The following CDYL variants were observed in gnomAD, a reference collection of about 807,000 sequenced individuals.
The protein encoded by CDYL is chromodomain Y-like protein.
A neutral mutation model predicts 47.3 loss-of-function variants in CDYL; 8 were observed. The observed-to-expected ratio is 0.17, with a 90% CI of 0.10 to 0.31. The LOEUF (loss-of-function observed/expected upper bound fraction) is 0.31. CDYL is among the 10% of genes least tolerant of loss of function. CDYL has a pLI of 1.00. For missense variants in CDYL, 471 were observed against 701.4 expected (o/e 0.67, Z 3.71); for synonymous variants, 266 against 265.0 (o/e 1.00, Z -0.04).
At chr6:4,799,690 C>T (rs538156540) in intron 1 of CDYL, among the ~76,000 whole-genome samples, 3 of 152,132 alleles carry the variant, frequency 2.0e-5, no homozygotes, top group Non-Finnish European at 4.4e-5. Context: ...CTGCCTTGCT[C>T]GGCTCCCAAA....
At chr6:4,841,872 T>C (rs1194775799) in intron 1 of CDYL, among the ~76,000 whole-genome samples, 1 of 151,208 alleles carries the variant, frequency 6.6e-6, no homozygotes, top group East Asian at 1.9e-4. Context: ...TATTCTGCAG[T>C]TGTTGGATAA....
At chr6:4,792,157 G>T (rs940217512) in intron 1 of CDYL, among the ~76,000 whole-genome samples, 1 of 151,660 alleles carries the variant, frequency 6.6e-6, no homozygotes, top group African/African-American at 2.4e-5. Context: ...CTCCCAAGGT[G>T]CTGGGATTAC....
At chr6:4,731,642 T>C (rs1757606877) in intron 2 of CDYL, among the ~76,000 whole-genome samples, 1 of 151,994 alleles carries the variant, frequency 6.6e-6, no homozygotes, top group Admixed American at 6.6e-5. Flanking sequence ...CTATTAAAAA[T>C]ACAATAATTA....
intron 2 of CDYL, among the ~76,000 whole-genome samples, chr6:4,933,806 G>A (rs979554374): frequency 6.6e-6 from 1 of 152,220 alleles, no homozygotes; most frequent in African/African-American, 2.4e-5. Flanking sequence ...ACAGCACTGG[G>A]ATGACAGAGG....
chr6:4,758,351 A>AATAAATATATATATATAT (rs1554134097), intron 3 of CDYL, among the ~76,000 whole-genome samples: 1,725 of 128,890 alleles, frequency 0.013, 16 homozygotes, highest in Non-Finnish European at 0.02. Context: ...AAAATAAATA[A>AATAAATATATATATATAT]ATATATATAT....
At chr6:4,758,964 T>A (rs1758124899) in intron 3 of CDYL, among the ~76,000 whole-genome samples, 1 of 148,508 alleles carries the variant, frequency 6.7e-6, no homozygotes, top group South Asian at 2.1e-4. Context: ...CCAGTTTTCT[T>A]TTTCTTTTTT....
intron 1 of CDYL, among the ~76,000 whole-genome samples, chr6:4,820,109 T>C (rs769739444): frequency 8.5e-5 from 13 of 152,162 alleles, no homozygotes; most frequent in Non-Finnish European, 1.5e-4. Flanking sequence ...ATTCATCCTA[T>C]GGCCACACAG....
chr6:4,846,183 TAAAA>T (rs75102410), intron 1 of CDYL, among the ~76,000 whole-genome samples: 1 of 135,530 alleles, frequency 7.4e-6, no homozygotes, highest in Non-Finnish European at 1.6e-5. Context: ...ACTGCCTTCT[TAAAA>T]AAAAAAAAAA....
chr6:4,768,005 C>T (rs1758281508), intron 3 of CDYL, among the ~76,000 whole-genome samples: 2 of 152,178 alleles, frequency 1.3e-5, no homozygotes, highest in South Asian at 4.1e-4. Flanking sequence ...GACCCAGGAC[C>T]TGGTCATGAG....
chr6:4,933,082 C>T (rs2127517973), intron 2 of CDYL, among the ~76,000 whole-genome samples: 1 of 152,302 alleles, frequency 6.6e-6, no homozygotes, highest in Middle Eastern at 3.4e-3. Flanking sequence ...TTGAGGAAAC[C>T]AGTTATTATT....
intron 1 of CDYL, among the ~76,000 whole-genome samples, chr6:4,842,096 CAT>C (rs1037019877): frequency 5.2e-5 from 7 of 134,336 alleles, no homozygotes; most frequent in East Asian, 4.1e-4. Context: ...TTATTTATAT[CAT>C]ATATTTATAT....
intron 3 of CDYL, among the ~76,000 whole-genome samples, chr6:4,936,059 T>C (rs1480678192): frequency 6.6e-6 from 1 of 152,222 alleles, no homozygotes; most frequent in Non-Finnish European, 1.5e-5. Context: ...ACCTCCTGCC[T>C]GGAAGCTCTT....
chr6:4,707,971 T>C (rs1009670726), intron 1 of CDYL, among the ~76,000 whole-genome samples: 1 of 152,178 alleles, frequency 6.6e-6, no homozygotes, highest in Admixed American at 6.5e-5. Context: ...AGGACTTTAT[T>C]TTAGCCATCT....
chr6:4,727,278 A>AGTTTGTCC (rs1757531039), intron 2 of CDYL, among the ~76,000 whole-genome samples: 1 of 152,118 alleles, frequency 6.6e-6, no homozygotes, highest in Non-Finnish European at 1.5e-5. Flanking sequence ...AAGTAATGAC[A>AGTTTGTCC]GTTTGTCCAA....
chr6:4,743,472 T>C (rs968750691), intron 3 of CDYL, among the ~76,000 whole-genome samples: 1 of 152,228 alleles, frequency 6.6e-6, no homozygotes, highest in Non-Finnish European at 1.5e-5. Context: ...AGCTGCAAGA[T>C]GCAATCAATA....
At chr6:4,778,600 G>A (rs2127429113) in intron 1 of CDYL, among the ~76,000 whole-genome samples, 1 of 152,270 alleles carries the variant, frequency 6.6e-6, no homozygotes, top group East Asian at 1.9e-4. Flanking sequence ...GTGTCTGTTG[G>A]GGAGGAAGTA....
chr6:4,890,114 A>T, intron 1 of CDYL: 1 of 985,452 alleles, frequency 1.0e-6, no homozygotes. Context: ...TCTGGAGTGG[A>T]CATTGATTTA....
At chr6:4,818,744 T>A (rs1328340359) in intron 1 of CDYL, among the ~76,000 whole-genome samples, 1 of 152,184 alleles carries the variant, frequency 6.6e-6, no homozygotes, top group Non-Finnish European at 1.5e-5. Flanking sequence ...AGATGCTAAA[T>A]GGGTAAGGTG....
chr6:4,716,673 G>T (rs1757270964), intron 2 of CDYL, among the ~76,000 whole-genome samples: 1 of 146,050 alleles, frequency 6.8e-6, no homozygotes, highest in African/African-American at 2.6e-5. Context: ...ATGCAAAAGT[G>T]GTTTTCTACA....
Sources: gnomAD v4.1 joint callset for allele counts (sites outside exome capture counted in the v4.1 genomes callset) on GRCh38, gnomAD v4.1.1 for gene constraint, MANE v1.5 for transcripts, NCBI Gene and HGNC (gene_info 2026-07-23, HGNC 2026-07-21) for gene names.